Variants in DGKB observed in about 807,000 individuals in gnomAD.
The protein encoded by DGKB is diacylglycerol kinase beta.
A neutral mutation model predicts 114.3 loss-of-function variants in DGKB; 67 were observed. The observed-to-expected ratio is 0.59, with a 90% CI of 0.48 to 0.72. The LOEUF (loss-of-function observed/expected upper bound fraction) is 0.72. Ranked by LOEUF, DGKB falls within the 30% of genes least tolerant of loss-of-function variation. The pLI is 0.00. For synonymous variants in DGKB, 398 were observed against 323.1 expected (o/e 1.23, Z -2.49); for missense variants, 907 against 975.2 (o/e 0.93, Z 0.93).
At chr7:14,162,043 C>T (rs752726825) in intron 25 of DGKB, among the ~76,000 whole-genome samples, 2 of 152,174 alleles carry the variant, frequency 1.3e-5, no homozygotes, top group Non-Finnish European at 2.9e-5. Flanking sequence ...CAGGCTCACT[C>T]TTTAAAATTT....
chr7:14,532,855 AG>A lies in DGKB; in HGVS notation c.1770+41356del, dbSNP rs1791826846. Among the ~76,000 whole-genome samples, 2 of 151,700 alleles carry A rather than the reference AG, an allele frequency of 1.3e-5. 1 individual carries two copies. The highest frequency in any genetic ancestry group is 4.1e-4 in the South Asian group (2 of 4,838). On this transcript the variant is annotated intron_variant, in intron 20 of 25. Coordinates refer to ENST00000402815, the MANE Select transcript of DGKB (RefSeq NM_001350709.2). ...TTAGAGTGTCCATAGAATATTACCAAGGAAATAAAATATATTAGGCAATTAA... is the reference window on the plus strand; with the variant it reads ...TTAGAGTGTCCATAGAATATTACCAAGAAATAAAATATATTAGGCAATTAA...
chr7:14,181,711 C>T (rs542641216), intron 23 of DGKB, among the ~76,000 whole-genome samples: 2 of 152,304 alleles, frequency 1.3e-5, no homozygotes, highest in African/African-American at 4.8e-5. Flanking sequence ...GAAATCCTGA[C>T]ACCATGATAC....
At chr7:14,399,429 CTTGT>C (rs1403545976) in intron 21 of DGKB, among the ~76,000 whole-genome samples, 1 of 151,598 alleles carries the variant, frequency 6.6e-6, no homozygotes, top group African/African-American at 2.4e-5. Flanking sequence ...AAGTATGTAA[CTTGT>C]TTGATATTAG....
intron 23 of DGKB, among the ~76,000 whole-genome samples, chr7:14,192,561 C>A (rs1463233202): frequency 6.6e-6 from 1 of 151,920 alleles, no homozygotes; most frequent in Non-Finnish European, 1.5e-5. Context: ...TAATGCAATT[C>A]CTGTCAAAAT....
At chr7:14,592,067 T>C (rs778443349) in intron 17 of DGKB, among the ~76,000 whole-genome samples, 1 of 151,722 alleles carries the variant, frequency 6.6e-6, no homozygotes, top group Non-Finnish European at 1.5e-5. Context: ...GGGTTAGAAA[T>C]AGATTAAGTA....
chr7:14,171,764 A>G (rs1256086357), intron 25 of DGKB, among the ~76,000 whole-genome samples: 1 of 152,216 alleles, frequency 6.6e-6, no homozygotes. Flanking sequence ...TTTAGTAGAA[A>G]AACACTTTTT....
intron 13 of DGKB, among the ~76,000 whole-genome samples, chr7:14,665,541 T>C (rs1447325688): frequency 3.9e-5 from 6 of 152,020 alleles, no homozygotes; most frequent in Non-Finnish European, 8.8e-5. Context: ...TAAGGAATAT[T>C]GTTTCTAAAT....
intron 1 of DGKB, among the ~76,000 whole-genome samples, chr7:14,940,899 A>C (rs1413663726): frequency 6.6e-6 from 1 of 152,066 alleles, no homozygotes; most frequent in Non-Finnish European, 1.5e-5. Context: ...TTATTTTATG[A>C]AGACACAGCA....
chr7:14,319,809 A>G (rs747340407), intron 23 of DGKB, among the ~76,000 whole-genome samples: 6 of 152,190 alleles, frequency 3.9e-5, no homozygotes, highest in Non-Finnish European at 7.3e-5. Flanking sequence ...AAGATAAAGT[A>G]TTGTATTTTA....
chr7:14,422,666 T>C (rs1826895905), intron 21 of DGKB, among the ~76,000 whole-genome samples: 1 of 152,006 alleles, frequency 6.6e-6, no homozygotes, highest in African/African-American at 2.4e-5. Context: ...TTTTAGCAGT[T>C]AGCTAAAAAG....
intron 25 of DGKB, among the ~76,000 whole-genome samples, chr7:14,151,039 G>C (rs1308170176): frequency 6.6e-6 from 1 of 151,956 alleles, no homozygotes; most frequent in African/African-American, 2.4e-5. Flanking sequence ...AAGCAGAAAG[G>C]CACTATTTTT....
At chr7:14,758,009 C>T (rs10226709) in intron 2 of DGKB, among the ~76,000 whole-genome samples, 22 of 151,878 alleles carry the variant, frequency 1.4e-4, no homozygotes, top group East Asian at 1.9e-4. Context: ...TTTAGAGGGA[C>T]GCTATAGATT....
At chr7:14,878,754 A>C (rs1010291041) in intron 1 of DGKB, among the ~76,000 whole-genome samples, 2 of 129,060 alleles carry the variant, frequency 1.5e-5, no homozygotes, top group African/African-American at 5.6e-5. Flanking sequence ...GTCTCAAAAA[A>C]CAAAAAAAAA....
rs371857981 is a variant in DGKB, at chr7:14,827,319, C to T, written c.70+13875G>A. On this transcript the variant is annotated intron_variant, in intron 2 of 25. Coordinates refer to ENST00000402815, the MANE Select transcript of DGKB (RefSeq NM_001350709.2). Reference sequence around the variant, plus strand: ...ATTTTTGACCTGTGGAATGGTCACACCTGAATCCAAGTATGCCACTGAAAG... The same window carrying T: ...ATTTTTGACCTGTGGAATGGTCACATCTGAATCCAAGTATGCCACTGAAAG... 2.6e-5 allele frequency among the ~76,000 whole-genome samples: 4 copies of T among 152,218 alleles called. No homozygotes were observed. The East Asian group carries it at 5.8e-4, about 22-fold the overall frequency.
At chr7:14,579,409 G>T (rs1799613081) in intron 19 of DGKB, among the ~76,000 whole-genome samples, 1 of 152,070 alleles carries the variant, frequency 6.6e-6, no homozygotes, top group South Asian at 2.1e-4. Context: ...ACAAATTTGA[G>T]ATTTAGGCCA....
intron 20 of DGKB, among the ~76,000 whole-genome samples, chr7:14,485,744 T>C (rs1318243684): frequency 7.1e-6 from 1 of 140,226 alleles, no homozygotes; most frequent in Non-Finnish European, 1.6e-5. Flanking sequence ...AAAAAAAAAA[T>C]ACCCGGGCAT....
chr7:14,569,765 C>A (rs1310872600), intron 20 of DGKB, among the ~76,000 whole-genome samples: 4 of 133,716 alleles, frequency 3.0e-5, no homozygotes, highest in Non-Finnish European at 6.9e-5. Context: ...AAATCCAGCT[C>A]CAATCTTGCA....
chr7:14,316,724 A>C (rs1365415839), intron 23 of DGKB, among the ~76,000 whole-genome samples: 1 of 150,352 alleles, frequency 6.7e-6, no homozygotes, highest in Non-Finnish European at 1.5e-5. Flanking sequence ...AATTGGTACC[A>C]TTCCTTCTGA....
intron 25 of DGKB, among the ~76,000 whole-genome samples, chr7:14,151,194 C>T (rs533923181): frequency 6.6e-6 from 1 of 152,040 alleles, no homozygotes; most frequent in African/African-American, 2.4e-5. Context: ...GTTGAGATTT[C>T]GGGTTCATAA....
Sources: allele counts gnomAD v4.1 joint callset (sites outside exome capture counted in the v4.1 genomes callset), GRCh38; gene constraint gnomAD v4.1.1; transcripts MANE v1.5; gene names NCBI Gene and HGNC (gene_info 2026-07-23, HGNC 2026-07-21).